Variants in NCAM1 observed in about 807,000 individuals in gnomAD.
NCAM1 encodes neural cell adhesion molecule 1.
Under a neutral mutation model 109.8 loss-of-function variants are expected in NCAM1, and 14 were observed. The observed-to-expected ratio is 0.13, with a 90% CI of 0.08 to 0.20. The LOEUF is 0.20. Ranked by LOEUF, NCAM1 falls within the 10% of genes least tolerant of loss-of-function variation. The pLI, the probability that NCAM1 is intolerant of heterozygous loss-of-function variation, is 1.00. For synonymous variants in NCAM1, 418 were observed against 442.9 expected, an observed-to-expected ratio of 0.94 and a Z score of 0.70; for missense variants, 774 against 1,109.9, an observed-to-expected ratio of 0.70 and a Z score of 4.30.
At chr11:113,071,677 A>G (rs993861905) in intron 1 of NCAM1, among the ~76,000 whole-genome samples, 1 of 152,060 alleles carries the variant, frequency 6.6e-6, no homozygotes, top group Non-Finnish European at 1.5e-5. Flanking sequence ...CGCCCGCCTC[A>G]GCCTCCCAAA....
At chr11:113,182,377 C>A (rs1943360474) in intron 1 of NCAM1, among the ~76,000 whole-genome samples, 1 of 152,204 alleles carries the variant, frequency 6.6e-6, no homozygotes, top group African/African-American at 2.4e-5. Flanking sequence ...CCTTCCTTCA[C>A]TGTCCTCTGT....
At chr11:113,106,972 G>A (rs7116981) in intron 1 of NCAM1, among the ~76,000 whole-genome samples, 2,085 of 152,184 alleles carry the variant, frequency 0.014, 33 homozygotes, top group African/African-American at 0.046. Context: ...AATTGGAATC[G>A]GAATTTTATC....
At chr11:113,195,311 CA>C (rs1555110627) in intron 1 of NCAM1, among the ~76,000 whole-genome samples, 1 of 152,070 alleles carries the variant, frequency 6.6e-6, no homozygotes, top group African/African-American at 2.4e-5. Context: ...TCTTCTCTGC[CA>C]AAACGAGATA....
chr11:113,083,432 G>A (rs1938934839), intron 1 of NCAM1, among the ~76,000 whole-genome samples: 1 of 152,196 alleles, frequency 6.6e-6, no homozygotes, highest in African/African-American at 2.4e-5. Context: ...GGAAAAAGGT[G>A]TAAAAGTGCT....
chr11:113,225,098 G>T (rs1468591251), intron 9 of NCAM1, among the ~76,000 whole-genome samples: 1 of 152,222 alleles, frequency 6.6e-6, no homozygotes, highest in Non-Finnish European at 1.5e-5. Flanking sequence ...ACTTTGATGA[G>T]TTGAGAGAAG....
intron 15 of NCAM1, among the ~76,000 whole-genome samples, chr11:113,252,123 A>G (rs59084041): frequency 0.025 from 3,739 of 152,306 alleles, 129 homozygotes; most frequent in African/African-American, 0.085. Context: ...CTGTAGAAAT[A>G]CTGTCATAGG....
intron 14 of NCAM1, chr11:113,243,589 A>G (rs781952383): frequency 5.8e-6 from 3 of 518,878 alleles, no homozygotes; most frequent in Admixed American, 1.9e-5. Context: ...ACATGTTCCA[A>G]GCTGGTCTTC....
At chr11:113,205,976 C>T (rs1944224820) in intron 4 of NCAM1, 67 bp from the exon 5 acceptor site, 2 of 1,588,356 alleles carry the variant, frequency 1.3e-6, no homozygotes, top group African/African-American at 1.3e-5. Context: ...AGGAAAGAGA[C>T]TCAGCCACCT....
intron 1 of NCAM1, among the ~76,000 whole-genome samples, chr11:113,049,168 A>C (rs782764983): frequency 1.3e-5 from 2 of 152,104 alleles, no homozygotes; most frequent in Non-Finnish European, 2.9e-5. Flanking sequence ...TGGTGATGGC[A>C]CTACTAAATG....
At chr11:113,087,376 A>G (rs1242132675) in intron 1 of NCAM1, among the ~76,000 whole-genome samples, 1 of 152,228 alleles carries the variant, frequency 6.6e-6, no homozygotes, top group African/African-American at 2.4e-5. Flanking sequence ...AAAAGAGCCT[A>G]AAGTACGATC....
chr11:113,197,158 C>A, intron 1 of NCAM1: 1 of 217,158 alleles, frequency 4.6e-6, no homozygotes, highest in Non-Finnish European at 1.0e-5. Flanking sequence ...TCACCTCCCA[C>A]CAGGTCCCGT....
At chr11:113,030,077 C>A (rs12365502) in intron 1 of NCAM1, among the ~76,000 whole-genome samples, 39,957 of 152,066 alleles carry the variant, frequency 0.26, 5,747 homozygotes, top group East Asian at 0.53. Flanking sequence ...AAAAAGGGAG[C>A]ACCAGAAGCT....
At chr11:113,222,530 C>T (rs910145989) in intron 9 of NCAM1, among the ~76,000 whole-genome samples, 18 of 152,182 alleles carry the variant, frequency 1.2e-4, no homozygotes, top group Admixed American at 3.9e-4. Context: ...AGAGGCTTCC[C>T]GCCTGTGGCA....
At chr11:113,041,519 A>T (rs1555079988) in intron 1 of NCAM1, among the ~76,000 whole-genome samples, 1 of 152,190 alleles carries the variant, frequency 6.6e-6, no homozygotes, top group African/African-American at 2.4e-5. Flanking sequence ...TGAATTGACC[A>T]TTTGGTTATG....
chr11:112,964,666 T>C (rs1950683827), intron 1 of NCAM1, among the ~76,000 whole-genome samples: 1 of 152,256 alleles, frequency 6.6e-6, no homozygotes, highest in South Asian at 2.1e-4. Flanking sequence ...TTGTTGATTT[T>C]CATTTGAAGA....
intron 17 of NCAM1, chr11:113,265,069 A>G: frequency 2.0e-6 from 2 of 985,420 alleles, no homozygotes; most frequent in African/African-American, 3.5e-5. Flanking sequence ...TTTTTGGACT[A>G]TTTATACAGC....
At chr11:113,137,313 A>G (rs1941636917) in intron 1 of NCAM1, among the ~76,000 whole-genome samples, 1 of 152,256 alleles carries the variant, frequency 6.6e-6, no homozygotes, top group Non-Finnish European at 1.5e-5. Context: ...TTAAAAGAAG[A>G]CAGTTATAGA....
At chr11:113,144,744 T>C (rs1941951231) in intron 1 of NCAM1, among the ~76,000 whole-genome samples, 1 of 152,236 alleles carries the variant, frequency 6.6e-6, no homozygotes, top group Non-Finnish European at 1.5e-5. Context: ...CTATGATTTC[T>C]GCACTGTAAA....
At chr11:113,270,502 C>G (rs1555125098) in intron 18 of NCAM1, 107 bp downstream of exon 18, 1 of 1,048,738 alleles carries the variant, frequency 9.5e-7, no homozygotes. Context: ...CCTTTCATTG[C>G]ACGTTCTCCA....
Sources: allele counts gnomAD v4.1 joint callset (sites outside exome capture counted in the v4.1 genomes callset), GRCh38; gene constraint gnomAD v4.1.1; transcripts MANE v1.5; gene names NCBI Gene and HGNC (gene_info 2026-07-23, HGNC 2026-07-21).